Variants in PLPPR1 observed in about 807,000 individuals in gnomAD.
PLPPR1 encodes the protein phospholipid phosphatase related 1, also known as phospholipid phosphatase-related protein type 1.
Under a neutral mutation model 33.1 loss-of-function variants are expected in PLPPR1, and 10 were observed. The observed-to-expected ratio is 0.30, with a 90% confidence interval of 0.19 to 0.51. The LOEUF is 0.51. PLPPR1 is among the 20% of genes least tolerant of loss of function. PLPPR1 has a pLI of 0.97. For missense variants in PLPPR1, 304 were observed against 408.1 expected (o/e 0.74, Z 2.20); for synonymous variants, 151 against 151.0 (o/e 1.00, Z 0.00).
intron 1 of PLPPR1, among the ~76,000 whole-genome samples, chr9:101,042,551 G>A (rs1248830379): frequency 2.6e-5 from 4 of 152,100 alleles, no homozygotes; most frequent in Non-Finnish European, 5.9e-5. Context: ...ACCTGCCAAG[G>A]TAGATTCACC....
intron 7 of PLPPR1, among the ~76,000 whole-genome samples, chr9:101,323,387 C>T (rs1292141633): frequency 6.8e-6 from 1 of 147,308 alleles, no homozygotes; most frequent in Non-Finnish European, 1.5e-5. Context: ...CCTACCTACT[C>T]GGGAAGCTGA....
At chr9:101,029,682 C>T (rs1410823750) in intron 1 of PLPPR1, among the ~76,000 whole-genome samples, 2 of 152,172 alleles carry the variant, frequency 1.3e-5, no homozygotes, top group Non-Finnish European at 2.9e-5. Context: ...GCTTTCTCAT[C>T]GAGCTCCGGT....
chr9:101,289,808 A>G (rs959749822), intron 4 of PLPPR1, among the ~76,000 whole-genome samples: 3 of 152,172 alleles, frequency 2.0e-5, no homozygotes, highest in African/African-American at 7.2e-5. Flanking sequence ...GCCCAACCTC[A>G]GGTATGTCTT....
chr9:101,203,896 T>C (rs1242553929), intron 2 of PLPPR1, among the ~76,000 whole-genome samples: 1 of 152,132 alleles, frequency 6.6e-6, no homozygotes, highest in Non-Finnish European at 1.5e-5. Context: ...AGAATGTGTT[T>C]TCCATGTAGG....
At chr9:101,186,229 A>G (rs1826200864) in intron 2 of PLPPR1, among the ~76,000 whole-genome samples, 1 of 151,932 alleles carries the variant, frequency 6.6e-6, no homozygotes. Flanking sequence ...GGAAATTCGG[A>G]AAAAAACTGC....
intron 1 of PLPPR1, among the ~76,000 whole-genome samples, chr9:101,133,780 G>A (rs1831345517): frequency 6.6e-6 from 1 of 152,130 alleles, no homozygotes; most frequent in South Asian, 2.1e-4. Context: ...GAAAACTAGA[G>A]CAAAGTAAAA....
intron 2 of PLPPR1, among the ~76,000 whole-genome samples, chr9:101,254,737 CCAATA>C (rs1217158059): frequency 1.3e-5 from 2 of 152,118 alleles, no homozygotes; most frequent in Non-Finnish European, 2.9e-5. Context: ...TTATGAAAAT[CCAATA>C]CATTATTTTT....
At chr9:101,290,543 TCAATAA>T (rs1380495973) in intron 4 of PLPPR1, among the ~76,000 whole-genome samples, 2 of 152,252 alleles carry the variant, frequency 1.3e-5, no homozygotes, top group Non-Finnish European at 2.9e-5. Context: ...ACAGTGTATT[TCAATAA>T]CCTTACAAAT....
At chr9:101,196,556 C>T (rs1826396602) in intron 2 of PLPPR1, among the ~76,000 whole-genome samples, 2 of 152,166 alleles carry the variant, frequency 1.3e-5, no homozygotes, top group African/African-American at 2.4e-5. Context: ...GACCACTATG[C>T]ATTGATTAAA....
At chr9:101,271,341 G>A (rs1828096562) in intron 3 of PLPPR1, among the ~76,000 whole-genome samples, 1 of 152,136 alleles carries the variant, frequency 6.6e-6, no homozygotes, top group African/African-American at 2.4e-5. Flanking sequence ...GCAGTGCCTG[G>A]CATTTACGAA....
chr9:101,134,019 C>T (rs1471068526), intron 1 of PLPPR1, among the ~76,000 whole-genome samples: 1 of 152,128 alleles, frequency 6.6e-6, no homozygotes, highest in African/African-American at 2.4e-5. Context: ...AGAACTGGCT[C>T]ATGGAAAGCA....
intron 1 of PLPPR1, among the ~76,000 whole-genome samples, chr9:101,182,936 A>G (rs976246193): frequency 6.6e-6 from 1 of 151,780 alleles, no homozygotes; most frequent in African/African-American, 2.4e-5. Context: ...TTAAAACCAC[A>G]ATGAGATATC....
At chr9:101,133,416 C>T (rs922763301) in intron 1 of PLPPR1, among the ~76,000 whole-genome samples, 2 of 152,128 alleles carry the variant, frequency 1.3e-5, no homozygotes, top group African/African-American at 4.8e-5. Flanking sequence ...AATTTGGCCT[C>T]CAATATCAAA....
rs145977664 is a variant in PLPPR1, at chr9:101,233,942, G to T, written c.64-35938G>T. On this transcript the variant is annotated intron_variant, in intron 2 of 7. Coordinates refer to ENST00000374874, the MANE Select transcript of PLPPR1 (RefSeq NM_207299.2). ...CCATGTAATTCCAAAGTCAGCTAAG[G>T]CTACTTGACCCTTTAATATCATTAT... 1.7e-3 allele frequency among the ~76,000 whole-genome samples: 265 copies of T among 151,970 alleles called. 2 individuals are homozygous for T. The highest frequency in any genetic ancestry group is 6.1e-3 in the African/African-American group (251 of 41,482).
At chr9:101,076,407 G>A (rs536477471) in intron 1 of PLPPR1, among the ~76,000 whole-genome samples, 15 of 152,258 alleles carry the variant, frequency 9.9e-5, no homozygotes, top group African/African-American at 3.6e-4. Flanking sequence ...TTATGTATAT[G>A]TTCTGACTAA....
In PLPPR1 at chr9:101,224,751, T is replaced by G. The variant is rs557604394; in HGVS notation, c.63+39194T>G. Among the ~76,000 whole-genome samples, 63 of 152,174 alleles carry G rather than the reference T, an allele frequency of 4.1e-4. 1 individual carries two copies. The highest frequency in any genetic ancestry group is 6.9e-4 in the Non-Finnish European group (47 of 68,026). ...GTGGGTTTTCTCTGGGTACTCTACCTTCCTTGCACATCCCAAAGCTACGCA... is the reference window on the plus strand; with the variant it reads ...GTGGGTTTTCTCTGGGTACTCTACCGTCCTTGCACATCCCAAAGCTACGCA... On this transcript the variant is annotated intron_variant, in intron 2 of 7. Coordinates refer to ENST00000374874, the MANE Select transcript of PLPPR1 (RefSeq NM_207299.2).
intron 4 of PLPPR1, among the ~76,000 whole-genome samples, chr9:101,292,586 G>A (rs183985557): frequency 0.03 from 4,533 of 149,906 alleles, 207 homozygotes; most frequent in African/African-American, 0.099. Context: ...GACTAACAGC[G>A]GATCTCTTGG....
chr9:101,266,889 A>C (rs1828008303), intron 2 of PLPPR1, among the ~76,000 whole-genome samples: 1 of 152,160 alleles, frequency 6.6e-6, no homozygotes, highest in African/African-American at 2.4e-5. Flanking sequence ...AAGTGGTAGC[A>C]CAAAGATACC....
intron 1 of PLPPR1, among the ~76,000 whole-genome samples, chr9:101,051,246 T>TTACTAC (rs35355458): frequency 2.9e-4 from 44 of 149,844 alleles, no homozygotes; most frequent in African/African-American, 1.0e-3. Context: ...CAATTCTTTG[T>TTACTAC]TACTACTACT....
Sources: allele counts gnomAD v4.1 joint callset (sites outside exome capture counted in the v4.1 genomes callset), GRCh38; gene constraint gnomAD v4.1.1; transcripts MANE v1.5; gene names NCBI Gene and HGNC (gene_info 2026-07-23, HGNC 2026-07-21).